The following EVA1C variants were observed in gnomAD, a reference collection of about 807,000 sequenced individuals.
EVA1C encodes the protein eva-1 homolog C, also known as protein eva-1 homolog C.
Under a neutral mutation model 45.4 loss-of-function variants are expected in EVA1C, and 25 were observed. That is an observed-to-expected ratio of 0.55 (90% CI 0.40 to 0.77). EVA1C has a LOEUF of 0.77. Ranked by LOEUF, EVA1C falls within the 30% of genes least tolerant of loss-of-function variation. The pLI, the probability that EVA1C is intolerant of heterozygous loss-of-function variation, is 0.00. For synonymous variants in EVA1C, 190 were observed against 221.2 expected (o/e 0.86, Z 1.25); for missense variants, 479 against 554.8 (o/e 0.86, Z 1.37).
chr21:32,495,664 A>T (rs1028857149), intron 5 of EVA1C, among the ~76,000 whole-genome samples: 1 of 152,184 alleles, frequency 6.6e-6, no homozygotes, highest in African/African-American at 2.4e-5. Context: ...CTTACCCTAA[A>T]ACAATAAAAA....
intron 4 of EVA1C, among the ~76,000 whole-genome samples, chr21:32,477,437 A>G (rs1225883107): frequency 6.6e-6 from 1 of 152,108 alleles, no homozygotes; most frequent in Non-Finnish European, 1.5e-5. Flanking sequence ...GTGGGACAGG[A>G]ATTCAGGGAT....
At chr21:32,444,658 A>G (rs2035303119) in intron 1 of EVA1C, among the ~76,000 whole-genome samples, 1 of 152,194 alleles carries the variant, frequency 6.6e-6, no homozygotes, top group African/African-American at 2.4e-5. Flanking sequence ...TGATTAAATC[A>G]CTGGCCATTA....
At chr21:32,417,395 T>C (rs1346107505) in intron 1 of EVA1C, among the ~76,000 whole-genome samples, 1 of 152,226 alleles carries the variant, frequency 6.6e-6, no homozygotes, top group Non-Finnish European at 1.5e-5. Context: ...CTTCCCTCCA[T>C]GTGTGTCTGT....
chr21:32,484,949 T>G (rs1457024215), intron 4 of EVA1C, among the ~76,000 whole-genome samples: 4 of 152,156 alleles, frequency 2.6e-5, no homozygotes, highest in Non-Finnish European at 5.9e-5. Flanking sequence ...TGCCGATTTT[T>G]TTTTTTACTG....
At position 32,457,693 on chromosome 21, in the gene EVA1C, C is replaced by T. The variant is rs982541093; in HGVS notation, c.454C>T (p.Leu152Phe). 18 of 1,613,978 alleles carry T rather than the reference C, an allele frequency of 1.1e-5. No individual in the cohort carries two copies. Among genetic ancestry groups the T allele is most frequent in the Non-Finnish European group, 1.4e-5 (17 of 1,179,982 alleles). ...PDLCPGSSKY[L>F]LVSFKCQPNE... is the part of the protein sequence containing the mutation. Reference sequence around the variant, plus strand: ...CCTTTGTCCAGGAAGCAGTAAATACCTCCTGGTCTCCTTTAAATGCCAACC... The same window carrying T: ...CCTTTGTCCAGGAAGCAGTAAATACTTCCTGGTCTCCTTTAAATGCCAACC... Residue 152 changes from leucine to phenylalanine, a missense_variant, in exon 3 of 8, where the codon CTC becomes TTC. Around this residue, in one of 3 missense-constraint regions of EVA1C, gnomAD observed 366 missense variants for 426.1 expected, o/e 0.86. Transcript: ENST00000300255.
At chr21:32,480,256 G>A (rs902654368) in intron 4 of EVA1C, among the ~76,000 whole-genome samples, 3 of 135,222 alleles carry the variant, frequency 2.2e-5, no homozygotes, top group East Asian at 2.4e-4. Flanking sequence ...AGCAATAATC[G>A]TGCCACTACA....
intron 1 of EVA1C, among the ~76,000 whole-genome samples, chr21:32,441,280 G>A (rs1204314720): frequency 2.0e-5 from 3 of 152,096 alleles, no homozygotes; most frequent in Admixed American, 6.6e-5. Context: ...TGTGGGGCAG[G>A]AGGTGTGCTG....
intron 5 of EVA1C, among the ~76,000 whole-genome samples, chr21:32,499,892 C>A (rs899649808): frequency 2.0e-5 from 3 of 152,292 alleles, no homozygotes; most frequent in Admixed American, 2.0e-4. Flanking sequence ...ATTCTGACAT[C>A]CCAGGGCTTA....
intron 7 of EVA1C, among the ~76,000 whole-genome samples, chr21:32,505,081 A>G (rs1480291668): frequency 2.0e-5 from 3 of 152,130 alleles, no homozygotes; most frequent in South Asian, 2.1e-4. Context: ...CCATGATTCA[A>G]TTACCTCCCA....
intron 1 of EVA1C, among the ~76,000 whole-genome samples, chr21:32,425,598 G>C (rs2034460484): frequency 6.6e-6 from 1 of 152,146 alleles, no homozygotes; most frequent in African/African-American, 2.4e-5. Context: ...TTCAAGTCAA[G>C]GCAGGTTATT....
intron 3 of EVA1C, among the ~76,000 whole-genome samples, chr21:32,465,444 T>C (rs1345786985): frequency 6.6e-6 from 1 of 152,200 alleles, no homozygotes; most frequent in African/African-American, 2.4e-5. Context: ...CTTGTTTGGC[T>C]GAAAAATGCA....
intron 1 of EVA1C, among the ~76,000 whole-genome samples, chr21:32,446,138 G>C (rs2035356970): frequency 6.6e-6 from 1 of 152,168 alleles, no homozygotes; most frequent in South Asian, 2.1e-4. Context: ...AGCTACTCGG[G>C]AGGGTGAGGC....
At chr21:32,488,494 C>A (rs115115997) in intron 4 of EVA1C, among the ~76,000 whole-genome samples, 163 of 152,248 alleles carry the variant, frequency 1.1e-3, no homozygotes, top group African/African-American at 3.7e-3. Flanking sequence ...TAGAAACCAC[C>A]CTAACAGGTG....
chr21:32,454,228 C>CA (rs1402765256), intron 2 of EVA1C, among the ~76,000 whole-genome samples: 10 of 151,574 alleles, frequency 6.6e-5, no homozygotes, highest in Admixed American at 2.0e-4. Flanking sequence ...GACTCCATCT[C>CA]AAAAAAAAGA....
Position 32,412,996 on chromosome 21 carries a change from C to T in EVA1C, c.143C>T (p.Ala48Val). The T allele has an allele frequency of 6.9e-7, 1 of 1,442,478 alleles. No homozygotes were observed. Among genetic ancestry groups the T allele is most frequent in the African/African-American group, 1.5e-5 (1 of 68,120 alleles). 89.4% of individuals were successfully genotyped at this position (1,442,478 alleles called of 1,614,324 possible). Residue 48 changes from alanine (A) to valine (V), a missense_variant, in exon 1 of 8, where the codon GCG (alanine) becomes GTG (valine). Ala to Val is a moderately conservative substitution (Grantham distance 64, BLOSUM62 0). This residue lies in a region of EVA1C where 33 missense variants were observed against 64.9 expected (regional missense o/e 0.51). Coordinates refer to ENST00000300255, the MANE Select transcript of EVA1C (RefSeq NM_058187.5). ...TVLVCSKEIS[A>V]LTDFSGYLTK... ...CTGGTCTGCTCCAAAGAGATCTCAGCGCTCACCGACTTCTCTGGTAAGAGC... is the reference window on the plus strand; with the variant it reads ...CTGGTCTGCTCCAAAGAGATCTCAGTGCTCACCGACTTCTCTGGTAAGAGC...
chr21:32,510,256 T>C (rs868130662), intron 7 of EVA1C, among the ~76,000 whole-genome samples: 5 of 152,168 alleles, frequency 3.3e-5, no homozygotes, highest in African/African-American at 1.2e-4. Flanking sequence ...GGTTTCATCA[T>C]GTTGGCCAGG....
At chr21:32,442,982 A>AAGGGAGGG (rs1028519386) in intron 1 of EVA1C, among the ~76,000 whole-genome samples, 5 of 119,264 alleles carry the variant, frequency 4.2e-5, no homozygotes, top group South Asian at 3.2e-4. Flanking sequence ...GAAGGGAAGG[A>AAGGGAGGG]AGGGAGGGAG....
In EVA1C at chr21:32,452,205, C is replaced by T. The variant is rs1424632176; in HGVS notation, c.161-1107C>T. Reference sequence around the variant, plus strand: ...ATTTTTTTCCTGGTTTATAAAGGTGCTTCAGGACTCCTTGGCTCCTGGCCA... The same window carrying T: ...ATTTTTTTCCTGGTTTATAAAGGTGTTTCAGGACTCCTTGGCTCCTGGCCA... On this transcript the variant is annotated intron_variant, in intron 1 of 7. Transcript: ENST00000300255. This position sits in a 1 kb window ranked among gnomAD's most constrained non-coding sequence, Gnocchi z 4.0. The T allele has an allele frequency of 6.6e-6, 1 of 152,272 alleles. No individual in the cohort carries two copies. The highest frequency in any genetic ancestry group is 1.5e-5 in the Non-Finnish European group (1 of 68,066). The allele number at this position is 152,272 out of a possible 1,614,324, so 9.4% of individuals were successfully genotyped here. A position where few individuals can be genotyped will look rare whatever the true frequency, so the allele number is the denominator to read the frequency against.
At chr21:32,478,900 C>T (rs556073208) in intron 4 of EVA1C, among the ~76,000 whole-genome samples, 1 of 152,256 alleles carries the variant, frequency 6.6e-6, no homozygotes, top group African/African-American at 2.4e-5. Flanking sequence ...CACTCCGAGG[C>T]CAAGTGTGGG....
Sources: allele counts gnomAD v4.1 joint callset (sites outside exome capture counted in the v4.1 genomes callset), GRCh38; gene constraint gnomAD v4.1.1; regional missense constraint gnomAD v4.1.1; non-coding constraint Gnocchi (gnomAD v3.1); transcripts MANE v1.5; gene names NCBI Gene and HGNC (gene_info 2026-07-23, HGNC 2026-07-21).